ADTRP: variants seen among roughly 807,000 people sequenced by gnomAD.
The protein encoded by ADTRP is androgen dependent TFPI regulating protein.
ADTRP carries 20 observed loss-of-function variants against 27.0 expected under a neutral mutation model. The ratio of observed to expected loss-of-function variants is 0.74; its 90% confidence interval spans 0.52 to 1.08. The LOEUF (loss-of-function observed/expected upper bound fraction) is 1.08. ADTRP is among the 50% of genes least tolerant of loss of function. The probability of loss-of-function intolerance (pLI) is 0.00; values close to 1 mark genes in which losing one functional copy is unlikely to be tolerated. For synonymous variants in ADTRP, 101 were observed against 105.2 expected (o/e 0.96, Z 0.25); for missense variants, 251 against 275.0 (o/e 0.91, Z 0.62).
chr6:11,746,845 G>T (rs1160749581), intron 3 of ADTRP, among the ~76,000 whole-genome samples: 1 of 152,146 alleles, frequency 6.6e-6, no homozygotes, highest in Admixed American at 6.5e-5. Context: ...TCCATTTCTT[G>T]TTGAGTGTCT....
rs751503936 is a variant in ADTRP at position 11,768,331 on chromosome 6, C to T, written c.206G>A (p.Arg69Lys). ...GVTCLDDVLK[R>K]TKGGKDIKFL... The stretch of plus-strand genomic sequence containing the variant: ...CTTAATGTCTTTTCCCCCTTTGGTT[C>T]TTTTCAGCACATCATCCAGGCAGGT... The change falls in exon 2 of 6, where the codon AGA becomes AAA. Residue 69 changes from arginine (R) to lysine (K), a missense_variant. By Grantham distance (26) the Arg-to-Lys change is conservative. Transcript: ENST00000414691. 1.2e-6 allele frequency: 2 copies of T among 1,614,214 alleles called. No homozygotes were observed. The highest frequency in any genetic ancestry group is 2.2e-5 in the South Asian group (2 of 91,072).
In ADTRP at chr6:11,748,774, G is replaced by A. The variant is rs144405464; in HGVS notation, c.391-13091C>T. On this transcript the variant is annotated intron_variant, in intron 3 of 5. Transcript: ENST00000414691. Reference sequence around the variant, plus strand: ...AGCATCTTGGGCAAGGGTGCAGTACGCACGAAGGTCCTGTAGGAGAATGAA... The same window carrying A: ...AGCATCTTGGGCAAGGGTGCAGTACACACGAAGGTCCTGTAGGAGAATGAA... Among the ~76,000 whole-genome samples, 6 of 152,308 alleles carry A rather than the reference G, an allele frequency of 3.9e-5. No homozygotes were observed. In the East Asian group the frequency reaches 7.7e-4, roughly 20 times the overall value.
At chr6:11,723,048 C>T (rs909470876) in intron 5 of ADTRP, among the ~76,000 whole-genome samples, 4 of 152,152 alleles carry the variant, frequency 2.6e-5, no homozygotes, top group African/African-American at 9.7e-5. Flanking sequence ...GATGGTAATA[C>T]CTTGTTCTCT....
intron 2 of ADTRP, 58 bp from the exon 3 acceptor site, chr6:11,766,433 T>C: frequency 1.5e-6 from 2 of 1,304,486 alleles, no homozygotes; most frequent in Non-Finnish European, 2.2e-6. Flanking sequence ...CAGAGCTTTC[T>C]AAGATAATCA....
intron 4 of ADTRP, among the ~76,000 whole-genome samples, chr6:11,730,059 C>A (rs1188612446): frequency 6.6e-6 from 1 of 152,114 alleles, no homozygotes; most frequent in Non-Finnish European, 1.5e-5. Flanking sequence ...CTGTTACAGG[C>A]ATTTTGGTTG....
intron 3 of ADTRP, among the ~76,000 whole-genome samples, chr6:11,759,168 C>T (rs534555900): frequency 4.6e-5 from 7 of 152,088 alleles, no homozygotes; most frequent in Non-Finnish European, 1.0e-4. Flanking sequence ...TTTGTTGGGC[C>T]CCTTGGAAGA....
intron 3 of ADTRP, among the ~76,000 whole-genome samples, chr6:11,752,850 C>G (rs1303337285): frequency 6.6e-6 from 1 of 152,158 alleles, no homozygotes; most frequent in African/African-American, 2.4e-5. Context: ...CGGGTTTATC[C>G]CCTGCAACGC....
intron 3 of ADTRP, among the ~76,000 whole-genome samples, chr6:11,745,953 G>A (rs1283813199): frequency 6.6e-6 from 1 of 152,086 alleles, no homozygotes; most frequent in East Asian, 1.9e-4. Context: ...ATTGCACCTG[G>A]CTAATTCTTG....
intron 4 of ADTRP, 78 bp downstream of exon 4, chr6:11,735,490 G>A: frequency 1.0e-6 from 1 of 1,000,704 alleles, no homozygotes; most frequent in South Asian, 1.5e-5. Flanking sequence ...GATTCTGACA[G>A]AACAGTACAC....
At chr6:11,760,419 CT>C (rs1763359338) in intron 3 of ADTRP, among the ~76,000 whole-genome samples, 2 of 152,258 alleles carry the variant, frequency 1.3e-5, no homozygotes, top group South Asian at 4.2e-4. Flanking sequence ...TTACACTGAG[CT>C]CCAAGAGACG....
At chr6:11,732,114 AG>A (rs773116532) in intron 4 of ADTRP, among the ~76,000 whole-genome samples, 6 of 152,208 alleles carry the variant, frequency 3.9e-5, no homozygotes, top group Non-Finnish European at 8.8e-5. Flanking sequence ...TATTTTGCAA[AG>A]CTTTATTTTC....
intron 3 of ADTRP, among the ~76,000 whole-genome samples, chr6:11,741,963 T>C (rs1453734192): frequency 6.6e-6 from 1 of 152,202 alleles, no homozygotes; most frequent in Admixed American, 6.5e-5. Flanking sequence ...TAGCTGCTTA[T>C]TCTTTTATCT....
intron 4 of ADTRP, among the ~76,000 whole-genome samples, chr6:11,724,509 G>A (rs191766842): frequency 1.8e-3 from 267 of 152,328 alleles, no homozygotes; most frequent in Middle Eastern, 3.4e-3. Flanking sequence ...GAAGAGCCAT[G>A]ATGTCTAAGT....
intron 5 of ADTRP, among the ~76,000 whole-genome samples, chr6:11,716,918 G>A (rs933551705): frequency 4.7e-5 from 7 of 148,186 alleles, no homozygotes; most frequent in African/African-American, 1.8e-4. Context: ...TAGAGATGGG[G>A]TTTCACCATG....
At chr6:11,754,987 CT>C in intron 3 of ADTRP, 11 of 966,178 alleles carry the variant, frequency 1.1e-5, no homozygotes, top group Non-Finnish European at 1.4e-5. Flanking sequence ...TTAGTTTTTG[CT>C]CTTAGTATTT....
At chr6:11,742,920 C>T (rs1038199156) in intron 3 of ADTRP, among the ~76,000 whole-genome samples, 12 of 152,166 alleles carry the variant, frequency 7.9e-5, no homozygotes, top group African/African-American at 2.9e-4. Context: ...TTGTTTAAAG[C>T]CTCAAGTGCA....
At chr6:11,721,355 T>C (rs1167060902) in intron 5 of ADTRP, among the ~76,000 whole-genome samples, 3 of 152,226 alleles carry the variant, frequency 2.0e-5, no homozygotes, top group Non-Finnish European at 4.4e-5. Flanking sequence ...TTGTGTGTCA[T>C]TCCAAGGGTG....
rs375582206 is a variant in ADTRP, at chr6:11,716,938, C to T, written c.659-2426G>A. On this transcript the variant is annotated intron_variant, in intron 5 of 5. Transcript: ENST00000414691. ...ATGGGGTTTCACCATGTAGGCCAGG[C>T]TTCTCTTGAACTCCTGAGCTCAAGT... is the stretch of plus-strand genomic sequence containing the variant. Among the ~76,000 whole-genome samples, 320 of 147,976 alleles carry T rather than the reference C, an allele frequency of 2.2e-3. 2 individuals are homozygous for T. Among genetic ancestry groups the T allele is most frequent in the African/African-American group, 7.8e-3 (310 of 39,844 alleles).
intron 5 of ADTRP, among the ~76,000 whole-genome samples, chr6:11,716,714 T>C (rs1761838302): frequency 2.9e-5 from 2 of 68,046 alleles, no homozygotes; most frequent in Admixed American, 3.2e-4. Flanking sequence ...TTTCTTTTTC[T>C]TTTTCTTTTT....
Sources: allele counts gnomAD v4.1 joint callset (sites outside exome capture counted in the v4.1 genomes callset), GRCh38; gene constraint gnomAD v4.1.1; transcripts MANE v1.5; gene names NCBI Gene and HGNC (gene_info 2026-07-23, HGNC 2026-07-21).